The following SLC9C2 variants were observed in gnomAD, a reference collection of about 807,000 sequenced individuals.
The protein encoded by SLC9C2 is solute carrier family 9 member C2 (putative), also known as sodium/hydrogen exchanger 11.
SLC9C2 carries 75 observed loss-of-function variants against 140.2 expected under a neutral mutation model. That is an observed-to-expected ratio of 0.53 (90% confidence interval 0.44 to 0.65). SLC9C2 has a LOEUF of 0.65. Among genes scored for constraint, SLC9C2 ranks in the 30% least tolerant of loss-of-function variants. The pLI, the probability that SLC9C2 is intolerant of heterozygous loss-of-function variation, is 0.00. For missense variants in SLC9C2, 1,074 were observed against 1,331.8 expected, an observed-to-expected ratio of 0.81 and a Z score of 3.01; for synonymous variants, 375 against 420.9, an observed-to-expected ratio of 0.89 and a Z score of 1.34.
Position 173,500,557 on chromosome 1 carries a change from T to C in SLC9C2, c.*537A>G, listed in dbSNP as rs1056548992. Reference sequence around the variant, plus strand: ...TATGCAATATGAGAATATTAATTTCTCCTAAATTTCACTGAAAGCAAAAGT... The same window carrying C: ...TATGCAATATGAGAATATTAATTTCCCCTAAATTTCACTGAAAGCAAAAGT... On this transcript the variant is annotated 3_prime_UTR_variant, in exon 28 of 28. Coordinates refer to ENST00000367714, the MANE Select transcript of SLC9C2 (RefSeq NM_178527.4). 2 of 152,220 alleles carry C rather than the reference T, an allele frequency of 1.3e-5. No homozygotes were observed. The highest frequency in any genetic ancestry group is 2.9e-5 in the Non-Finnish European group (2 of 68,036). 9.4% of individuals were successfully genotyped at this position (152,220 alleles called of 1,614,324 possible).
At chr1:173,578,793 G>A (rs999561499) in intron 7 of SLC9C2, among the ~76,000 whole-genome samples, 6 of 152,048 alleles carry the variant, frequency 3.9e-5, no homozygotes, top group Non-Finnish European at 5.9e-5. Context: ...TGTATCTGTC[G>A]CTGTGTCCAA....
intron 4 of SLC9C2, among the ~76,000 whole-genome samples, chr1:173,595,954 A>T (rs1162053669): frequency 6.6e-6 from 1 of 152,130 alleles, no homozygotes; most frequent in Non-Finnish European, 1.5e-5. Context: ...CCCCAACACC[A>T]TTCCCTAGCA....
At chr1:173,541,201 T>C (rs892654825) in intron 13 of SLC9C2, among the ~76,000 whole-genome samples, 3 of 147,298 alleles carry the variant, frequency 2.0e-5, no homozygotes, top group Non-Finnish European at 4.5e-5. Flanking sequence ...AAAGCAGGGG[T>C]TGCAATCCTA....
chr1:173,533,333 G>A (rs911640942), intron 17 of SLC9C2, among the ~76,000 whole-genome samples: 1 of 152,160 alleles, frequency 6.6e-6, no homozygotes, highest in African/African-American at 2.4e-5. Flanking sequence ...TGACTGGAGT[G>A]CAATGGCACA....
chr1:173,510,107 C>T (rs1346994761), intron 23 of SLC9C2, among the ~76,000 whole-genome samples: 1 of 152,192 alleles, frequency 6.6e-6, no homozygotes, highest in African/African-American at 2.4e-5. Context: ...AAAAGATACA[C>T]TTTCAGATTC....
rs965721456 is a variant in SLC9C2, at chr1:173,533,759, C to A, written c.2013G>T (p.Trp671Cys). 2.5e-6 allele frequency: 4 copies of A among 1,601,964 alleles called. No individual in the cohort carries two copies. The Admixed American group carries it at 5.2e-5, about 21-fold the overall frequency. The change falls in exon 17 of 28, where the codon TGG (tryptophan) becomes TGT (cysteine). Residue 671 changes from tryptophan to cysteine, a missense_variant. Coordinates refer to ENST00000367714, the MANE Select transcript of SLC9C2 (RefSeq NM_178527.4). ...CCAGGATAAAAAATTCCAAAGTATTCCAACATTGTTGAAAATATTTCCTTT... is the reference window on the plus strand; with the variant it reads ...CCAGGATAAAAAATTCCAAAGTATTACAACATTGTTGAAAATATTTCCTTT... ...ILKRKYFQQCWNTLEFFILVI... is the reference protein window; with the variant it reads ...ILKRKYFQQCCNTLEFFILVI...
intron 24 of SLC9C2, among the ~76,000 whole-genome samples, chr1:173,507,822 C>G (rs1659764537): frequency 6.6e-6 from 1 of 152,196 alleles, no homozygotes; most frequent in African/African-American, 2.4e-5. Flanking sequence ...CCTCCCAACA[C>G]CTTGATTTCT....
chr1:173,538,169 G>T (rs1003024014), intron 13 of SLC9C2, among the ~76,000 whole-genome samples: 4 of 152,140 alleles, frequency 2.6e-5, no homozygotes. Flanking sequence ...CCTTCCAAAC[G>T]GTATGGGGCA....
In SLC9C2 at chr1:173,554,210, C is replaced by T. The variant is rs550011820; in HGVS notation, c.1297+523G>A. Among the ~76,000 whole-genome samples, 67 of 152,330 alleles carry T rather than the reference C, an allele frequency of 4.4e-4. No individual in the cohort carries two copies. In the South Asian group the frequency reaches 0.011, roughly 25 times the overall value. On this transcript the variant is annotated intron_variant, in intron 11 of 27. Transcript: ENST00000367714. ...GCCAGCCCGGAAAGATGATATTTCG[C>T]AGCTTCCCTTGCCCATGTGTGTCCA...
intron 18 of SLC9C2, 116 bp from the exon 19 acceptor site, chr1:173,526,830 T>A: frequency 1.4e-6 from 1 of 730,924 alleles, no homozygotes; most frequent in East Asian, 2.9e-5. Flanking sequence ...TTATACCAAG[T>A]ATAGTTCTGG....
intron 23 of SLC9C2, among the ~76,000 whole-genome samples, chr1:173,511,244 A>G (rs201811804): frequency 6.6e-6 from 1 of 151,522 alleles, no homozygotes; most frequent in Non-Finnish European, 1.5e-5. Flanking sequence ...GTTGGCCAGG[A>G]TGGTCTTAAT....
At chr1:173,546,047 T>C (rs1166711530) in intron 13 of SLC9C2, among the ~76,000 whole-genome samples, 1 of 152,084 alleles carries the variant, frequency 6.6e-6, no homozygotes, top group East Asian at 1.9e-4. Context: ...TATTTTATGC[T>C]CAAAACAAAT....
chr1:173,522,495 G>A (rs1182265346), intron 21 of SLC9C2, among the ~76,000 whole-genome samples: 2 of 152,170 alleles, frequency 1.3e-5, no homozygotes, highest in African/African-American at 2.4e-5. Context: ...ATCAGCAGGC[G>A]CAGTGCCTGC....
At chr1:173,543,500 A>T (rs1662596545) in intron 13 of SLC9C2, among the ~76,000 whole-genome samples, 1 of 152,236 alleles carries the variant, frequency 6.6e-6, no homozygotes, top group Non-Finnish European at 1.5e-5. Context: ...ATTGGAAAAA[A>T]TTACTTTAAA....
chr1:173,571,921 A>G (rs1411472045), intron 9 of SLC9C2, among the ~76,000 whole-genome samples: 1 of 152,244 alleles, frequency 6.6e-6, no homozygotes, highest in Non-Finnish European at 1.5e-5. Flanking sequence ...TGAGAAAATA[A>G]GGATAGCCAC....
intron 22 of SLC9C2, among the ~76,000 whole-genome samples, chr1:173,519,924 G>A (rs570339255): frequency 6.6e-5 from 10 of 152,148 alleles, no homozygotes; most frequent in South Asian, 4.2e-4. Context: ...CAAGGCGGGC[G>A]GATCACTTGA....
intron 9 of SLC9C2, among the ~76,000 whole-genome samples, chr1:173,564,947 CTTTTTTCT>C (rs1470063021): frequency 3.5e-5 from 5 of 144,446 alleles, no homozygotes; most frequent in South Asian, 2.2e-4. Context: ...GGGTAGTTTT[CTTTTTTCT>C]TTTTTTCTTT....
intron 4 of SLC9C2, 137 bp from the exon 5 acceptor site, chr1:173,587,967 T>C: frequency 3.4e-6 from 2 of 581,750 alleles, no homozygotes; most frequent in East Asian, 3.0e-5. Context: ...AAAGGTATTC[T>C]AGTTTAACCA....
intron 4 of SLC9C2, chr1:173,596,612 C>G (rs562033431): frequency 2.0e-5 from 3 of 152,010 alleles, no homozygotes; most frequent in African/African-American, 7.2e-5. Context: ...TCTTCTAAAT[C>G]TATTTTTAAT....
Sources: allele counts gnomAD v4.1 joint callset (sites outside exome capture counted in the v4.1 genomes callset), GRCh38; gene constraint gnomAD v4.1.1; transcripts MANE v1.5; gene names NCBI Gene and HGNC (gene_info 2026-07-23, HGNC 2026-07-21).